The following YEATS4 variants were observed in gnomAD, a reference collection of about 807,000 sequenced individuals.
YEATS4 encodes YEATS domain containing 4.
In YEATS4, 17 loss-of-function variants were observed where a neutral mutation model predicts 30.1. That is an observed-to-expected ratio of 0.56 (90% confidence interval 0.39 to 0.85). The LOEUF is 0.85. Ranked by LOEUF, YEATS4 falls within the 40% of genes least tolerant of loss-of-function variation. The probability of loss-of-function intolerance (pLI) is 0.00; values close to 1 mark genes in which losing one functional copy is unlikely to be tolerated. For synonymous variants in YEATS4, 85 were observed against 87.5 expected, an observed-to-expected ratio of 0.97 and a Z score of 0.16; for missense variants, 142 against 268.3, an observed-to-expected ratio of 0.53 and a Z score of 3.29.
intron 6 of YEATS4, among the ~76,000 whole-genome samples, chr12:69,387,761 C>T (rs1258334469): frequency 6.6e-6 from 1 of 152,148 alleles, no homozygotes; most frequent in South Asian, 2.1e-4. Flanking sequence ...CAGACTATTT[C>T]TGGGAAGATA....
At chr12:69,369,437 C>T (rs1015540908) in intron 4 of YEATS4, among the ~76,000 whole-genome samples, 15 of 152,136 alleles carry the variant, frequency 9.9e-5, no homozygotes, top group Non-Finnish European at 1.9e-4. Flanking sequence ...AAATTCTAGG[C>T]ACTAAAGGTA....
At chr12:69,411,015 T>C in the YEATS4 span, among the ~76,000 whole-genome samples, 1 of 152,238 alleles carries the variant, frequency 6.6e-6, no homozygotes, top group African/African-American at 2.4e-5. Flanking sequence ...CCATAGTAAC[T>C]ATAAACAGTA....
chr12:69,366,043 G>A lies in YEATS4; in HGVS notation c.333+159G>A, dbSNP rs546465349. ...TAAGTTTTTCATTTTTAAATGTAGCGCCTTTCAAAATCCTTTTTTTTTTCA... is the reference window on the plus strand; with the variant it reads ...TAAGTTTTTCATTTTTAAATGTAGCACCTTTCAAAATCCTTTTTTTTTTCA... On this transcript the variant is annotated intron_variant, in intron 4 of 6. Coordinates refer to ENST00000247843, the MANE Select transcript of YEATS4 (RefSeq NM_006530.4). Among the ~76,000 whole-genome samples the A allele has an allele frequency of 1.3e-4, 20 of 151,090 alleles. No homozygotes were observed. In the South Asian group the frequency reaches 2.7e-3, roughly 21 times the overall value.
intron 6 of YEATS4, among the ~76,000 whole-genome samples, chr12:69,384,575 A>G (rs1480252615): frequency 1.3e-5 from 2 of 152,242 alleles, no homozygotes; most frequent in Non-Finnish European, 2.9e-5. Flanking sequence ...ACTTCATAGT[A>G]CTTACCAAAA....
intron 6 of YEATS4, among the ~76,000 whole-genome samples, chr12:69,389,867 A>C (rs1240899069): frequency 1.3e-5 from 2 of 151,988 alleles, no homozygotes; most frequent in Non-Finnish European, 2.9e-5. Flanking sequence ...TTCAATCTTA[A>C]TATGTGTATG....
the YEATS4 span, among the ~76,000 whole-genome samples, chr12:69,419,003 A>G: frequency 1.6e-5 from 2 of 124,096 alleles, no homozygotes; most frequent in African/African-American, 2.9e-5. Flanking sequence ...AAATACATAT[A>G]TAATTTAAGC....
At chr12:69,375,638 C>T (rs1053484615) in intron 6 of YEATS4, among the ~76,000 whole-genome samples, 11 of 152,148 alleles carry the variant, frequency 7.2e-5, no homozygotes, top group South Asian at 2.1e-4. Flanking sequence ...AGCGAGACTC[C>T]GTCTGCAATC....
the YEATS4 span, among the ~76,000 whole-genome samples, chr12:69,414,759 T>G: frequency 5.3e-4 from 81 of 152,202 alleles, no homozygotes; most frequent in Admixed American, 1.0e-3. Flanking sequence ...AGACCTGGCT[T>G]GGCCCGCTGA....
At chr12:69,379,184 G>A (rs1016430433) in intron 6 of YEATS4, among the ~76,000 whole-genome samples, 1 of 151,946 alleles carries the variant, frequency 6.6e-6, no homozygotes, top group Non-Finnish European at 1.5e-5. Flanking sequence ...TTGTTTTTAG[G>A]ATCCTTTCTT....
chr12:69,386,582 C>G (rs910435360), intron 6 of YEATS4, among the ~76,000 whole-genome samples: 1 of 152,162 alleles, frequency 6.6e-6, no homozygotes, highest in Non-Finnish European at 1.5e-5. Flanking sequence ...TTACCTGTTT[C>G]CTGCCTCTGT....
chr12:69,390,151 A>G lies in YEATS4; in HGVS notation c.519A>G (p.Ala173=), dbSNP rs751520384. The G allele has an allele frequency of 3.2e-6, 5 of 1,574,640 alleles. No individual in the cohort carries two copies. The highest frequency in any genetic ancestry group is 4.3e-6 in the Non-Finnish European group (5 of 1,170,226). ...LGAYKHETEF[A]ELEVKTREKL... ...AAAAGTATTTGTTTTCTTTAGTTGC[A>G]GAGCTTGAAGTGAAAACCAGAGAAA... The change falls in exon 7 of 7, where the codon GCA becomes GCG. Residue 173 remains alanine, a synonymous_variant. Transcript: ENST00000247843.
At position 69,386,654 on chromosome 12, in the gene YEATS4, A is replaced by T. The variant is rs111350767; in HGVS notation, c.515-3493A>T. On this transcript the variant is annotated intron_variant, in intron 6 of 6. Coordinates refer to ENST00000247843, the MANE Select transcript of YEATS4 (RefSeq NM_006530.4). ...GTTTTTTAAATTGATGTGGGGAGAG[A>T]GGGTATAGGGGAATACAAATTTCTG... Among the ~76,000 whole-genome samples the T allele has an allele frequency of 1.4e-3, 211 of 152,236 alleles. 3 individuals carry two copies. The highest frequency in any genetic ancestry group is 5.0e-3 in the African/African-American group (208 of 41,554).
chr12:69,399,240 G>T, the YEATS4 span, among the ~76,000 whole-genome samples: 1 of 151,466 alleles, frequency 6.6e-6, no homozygotes, highest in Non-Finnish European at 1.5e-5. Flanking sequence ...CACGAAATGG[G>T]AGAAAATATT....
rs1256414064 is a variant in YEATS4, at chr12:69,370,874, T to C, written c.427-14T>C. The C allele has an allele frequency of 1.9e-6, 3 of 1,608,638 alleles. No individual in the cohort carries two copies. In the East Asian group the frequency reaches 6.7e-5, roughly 36 times the overall value. ...TTTGAAGTTATTGGGTTTTTGTTCA[T>C]TTTATCCCATTAGATATTTCAAGAC... On this transcript the variant is annotated splice_polypyrimidine_tract_variant and intron_variant, in intron 5 of 6. Coordinates refer to ENST00000247843, the MANE Select transcript of YEATS4 (RefSeq NM_006530.4).
chr12:69,388,923 C>T (rs1324438060), intron 6 of YEATS4, among the ~76,000 whole-genome samples: 1 of 152,202 alleles, frequency 6.6e-6, no homozygotes, highest in Non-Finnish European at 1.5e-5. Flanking sequence ...GATCACACCA[C>T]TGCACTCCAG....
chr12:69,371,054 C>T, intron 6 of YEATS4, 79 bp downstream of exon 6: 2 of 1,400,076 alleles, frequency 1.4e-6, no homozygotes, highest in South Asian at 2.8e-5. Context: ...GTGCCTTTTA[C>T]ACTTTAAAAA....
At chr12:69,379,937 T>C (rs950990417) in intron 6 of YEATS4, among the ~76,000 whole-genome samples, 5 of 152,212 alleles carry the variant, frequency 3.3e-5, no homozygotes, top group Admixed American at 6.5e-5. Flanking sequence ...GCATTTCTGC[T>C]CGATTCTTTT....
At chr12:69,369,941 A>T (rs982668275) in intron 4 of YEATS4, among the ~76,000 whole-genome samples, 2 of 152,142 alleles carry the variant, frequency 1.3e-5, no homozygotes, top group African/African-American at 4.8e-5. Context: ...TTCAGTTGCA[A>T]GGAATTTTAT....
intron 6 of YEATS4, among the ~76,000 whole-genome samples, chr12:69,385,563 A>C (rs999958998): frequency 2.0e-5 from 3 of 152,196 alleles, no homozygotes; most frequent in Admixed American, 1.3e-4. Flanking sequence ...AGGTATAAGG[A>C]GGTTAAGAAA....
Sources: gnomAD v4.1 joint callset for allele counts (sites outside exome capture counted in the v4.1 genomes callset) on GRCh38, gnomAD v4.1.1 for gene constraint, MANE v1.5 for transcripts, NCBI Gene and HGNC (gene_info 2026-07-23, HGNC 2026-07-21) for gene names.